HAPLN2: variants seen among roughly 807,000 people sequenced by gnomAD.
The protein encoded by HAPLN2 is hyaluronan and proteoglycan link protein 2, also known as brain link protein-1.
A neutral mutation model predicts 29.3 loss-of-function variants in HAPLN2; 27 were observed. That is an observed-to-expected ratio of 0.92 (90% confidence interval 0.68 to 1.27). HAPLN2 has a LOEUF of 1.27. Among genes scored for constraint, HAPLN2 ranks in the 50% most tolerant of loss-of-function variants. HAPLN2 has a pLI of 0.00. For synonymous variants in HAPLN2, 208 were observed against 211.7 expected, an observed-to-expected ratio of 0.98 and a Z score of 0.15; for missense variants, 454 against 484.3, an observed-to-expected ratio of 0.94 and a Z score of 0.59.
Position 156,624,179 on chromosome 1 carries a change from C to A in HAPLN2, c.439+19C>A, listed in dbSNP as rs757486382. 3 of 1,604,806 alleles carry A rather than the reference C, an allele frequency of 1.9e-6. No individual in the cohort carries two copies. The South Asian group carries it at 3.4e-5, about 18-fold the overall frequency. ...TTGGAGGGTGAGGCCCTTCCGCTCC[C>A]GCCCCATTCCTGTGTAGCAGCGGGT... On this transcript the variant is annotated intron_variant, in intron 4 of 6. Coordinates refer to ENST00000255039, the MANE Select transcript of HAPLN2 (RefSeq NM_021817.3).
At chr1:156,620,501 T>A (rs1678183406) in intron 2 of HAPLN2, among the ~76,000 whole-genome samples, 1 of 152,248 alleles carries the variant, frequency 6.6e-6, no homozygotes, top group South Asian at 2.1e-4. Context: ...TCATTATTGT[T>A]GGTCTCAGTC....
chr1:156,604,571 GCCA>G, the HAPLN2 span, among the ~76,000 whole-genome samples: 8 of 152,294 alleles, frequency 5.3e-5, no homozygotes, highest in South Asian at 1.7e-3. Flanking sequence ...TAAAGGCGGA[GCCA>G]CCGTGCCCGG....
chr1:156,625,405 A>G lies in HAPLN2; in HGVS notation c.*21A>G, dbSNP rs914676180. On this transcript the variant is annotated 3_prime_UTR_variant, in exon 7 of 7. Transcript: ENST00000255039. The surrounding 1 kb of genome is among the most constrained non-coding windows in gnomAD (Gnocchi z 5.7). Reference sequence around the variant, plus strand: ...ATTAGGCGCCCACCGTGTCCCCTCCAGCGCGCGCGAAGAAGCTTGGGAGTC... The same window carrying G: ...ATTAGGCGCCCACCGTGTCCCCTCCGGCGCGCGCGAAGAAGCTTGGGAGTC... 14 of 1,555,150 alleles carry G rather than the reference A, an allele frequency of 9.0e-6. No individual in the cohort carries two copies. Among genetic ancestry groups the G allele is most frequent in the Admixed American group, 2.0e-5 (1 of 50,294 alleles).
chr1:156,604,904 A>C, the HAPLN2 span, among the ~76,000 whole-genome samples: 3 of 150,118 alleles, frequency 2.0e-5, no homozygotes, highest in Non-Finnish European at 4.4e-5. Context: ...AATCTCTATA[A>C]AAAATCCCAG....
At chr1:156,603,651 C>A in the HAPLN2 span, among the ~76,000 whole-genome samples, 1 of 152,098 alleles carries the variant, frequency 6.6e-6, no homozygotes, top group African/African-American at 2.4e-5. Context: ...CAGCCACTCC[C>A]AAAACTTAAT....
upstream of HAPLN2, among the ~76,000 whole-genome samples, chr1:156,618,874 T>C (rs1571414575): frequency 6.6e-6 from 1 of 151,336 alleles, no homozygotes; most frequent in South Asian, 2.1e-4. Flanking sequence ...AAAAAGGTTA[T>C]CTATTTGTGC....
the HAPLN2 span, among the ~76,000 whole-genome samples, chr1:156,610,632 C>T: frequency 4.0e-5 from 6 of 149,728 alleles, no homozygotes; most frequent in African/African-American, 1.5e-4. Context: ...AAGAGCAAAA[C>T]TCCGTCTCAA....
Position 156,623,573 on chromosome 1 carries a change from C to G in HAPLN2, c.83C>G (p.Pro28Arg). 1.2e-6 allele frequency: 2 copies of G among 1,614,132 alleles called. No homozygotes were observed. The highest frequency in any genetic ancestry group is 2.2e-5 in the South Asian group (2 of 91,074). ...ATCTTCCACAAAGCCCAAGGAGACC[C>G]AGGTAAGACCCCAGCCCAGGCCAGA... ...FTIFHKAQGD[P>R]ASHPGPHYLL... is the part of the protein sequence containing the mutation. The change falls in exon 3 of 7, where the codon CCA becomes CGA. Residue 28 changes from proline to arginine, a missense_variant and splice_region_variant. By Grantham distance (103) the Pro-to-Arg change is moderately radical. This residue lies in a region of HAPLN2 where 204 missense variants were observed against 209.2 expected (regional missense o/e 0.98). Transcript: ENST00000255039.
At chr1:156,605,272 A>G in the HAPLN2 span, among the ~76,000 whole-genome samples, 2 of 150,890 alleles carry the variant, frequency 1.3e-5, no homozygotes, top group Middle Eastern at 3.2e-3. Context: ...TCTGAAAAAG[A>G]AAAAAAAAGA....
rs1678322226 is a variant in HAPLN2, at chr1:156,623,471, T to C, written c.-20T>C. The C allele has an allele frequency of 6.2e-7, 1 of 1,613,568 alleles. No homozygotes were observed. ...CCCACTCTTTGTGCCCTGCAGACGG[T>C]GCCGGGCTGACCCCCCATCATGCCA... is the stretch of plus-strand genomic sequence containing the variant. On this transcript the variant is annotated 5_prime_UTR_variant, in exon 3 of 7. Coordinates refer to ENST00000255039, the MANE Select transcript of HAPLN2 (RefSeq NM_021817.3).
the HAPLN2 span, among the ~76,000 whole-genome samples, chr1:156,611,029 C>A: frequency 4.6e-5 from 7 of 152,150 alleles, no homozygotes; most frequent in Non-Finnish European, 1.0e-4. Context: ...CACCTGTAAT[C>A]CCAGCACTTT....
At chr1:156,609,706 A>T in the HAPLN2 span, among the ~76,000 whole-genome samples, 1 of 152,200 alleles carries the variant, frequency 6.6e-6, no homozygotes, top group Non-Finnish European at 1.5e-5. Context: ...TCATTAAATA[A>T]ATTATGCTCC....
Position 156,625,094 on chromosome 1 carries a change from T to C in HAPLN2, c.740-7T>C. 6.5e-7 allele frequency: 1 copy of C among 1,536,396 alleles called. No individual in the cohort carries two copies. Among genetic ancestry groups the C allele is most frequent in the Admixed American group, 2.0e-5 (1 of 50,890 alleles). ...GCCCTCGGTCGGTGACCCGCTGTGG[T>C]CCCCAGGCCAAGTGTTCTTCGTGCC... On this transcript the variant is annotated splice_polypyrimidine_tract_variant and splice_region_variant and intron_variant, in intron 6 of 6. Coordinates refer to ENST00000255039, the MANE Select transcript of HAPLN2 (RefSeq NM_021817.3). The surrounding 1 kb of genome is among the most constrained non-coding windows in gnomAD (Gnocchi z 5.7).
chr1:156,616,305 C>G (rs946625057), upstream of HAPLN2, among the ~76,000 whole-genome samples: 1 of 152,192 alleles, frequency 6.6e-6, no homozygotes, highest in Non-Finnish European at 1.5e-5. Flanking sequence ...ATTTTAGCGT[C>G]TGGGGGGAAA....
chr1:156,621,917 C>G (rs1027215186), intron 2 of HAPLN2, among the ~76,000 whole-genome samples: 1 of 149,860 alleles, frequency 6.7e-6, no homozygotes, highest in Non-Finnish European at 1.5e-5. Context: ...GATCGTGCCA[C>G]TGTGCTCCAG....
the HAPLN2 span, among the ~76,000 whole-genome samples, chr1:156,613,789 C>T: frequency 6.6e-5 from 10 of 151,790 alleles, no homozygotes; most frequent in African/African-American, 2.4e-4. Flanking sequence ...TGGTGGCTCA[C>T]GCCTGTAACC....
chr1:156,615,571 TC>T (rs781775292), upstream of HAPLN2, among the ~76,000 whole-genome samples: 29,973 of 135,710 alleles, frequency 0.22, 3,225 homozygotes, highest in South Asian at 0.43. Context: ...TCTCTCTCTC[TC>T]TTTTTTTTTT....
At chr1:156,622,445 C>G (rs929515026) in intron 2 of HAPLN2, among the ~76,000 whole-genome samples, 1 of 151,504 alleles carries the variant, frequency 6.6e-6, no homozygotes, top group Non-Finnish European at 1.5e-5. Flanking sequence ...GAGAGTAAAA[C>G]CCTGTCTCAA....
chr1:156,623,677 G>C lies in HAPLN2; in HGVS notation c.85+102G>C, dbSNP rs898368613. On this transcript the variant is annotated intron_variant, in intron 3 of 6. Transcript: ENST00000255039. Reference sequence around the variant, plus strand: ...TGTTGCAGGTACCCAGGGACTGAAAGTCATTGCTGAGAAGGCAATGGAGGA... The same window carrying C: ...TGTTGCAGGTACCCAGGGACTGAAACTCATTGCTGAGAAGGCAATGGAGGA... The C allele has an allele frequency of 1.4e-5, 22 of 1,550,474 alleles. No homozygotes were observed. In the African/African-American group the frequency reaches 2.9e-4, roughly 20 times the overall value.
Sources: gnomAD v4.1 joint callset for allele counts (sites outside exome capture counted in the v4.1 genomes callset) on GRCh38, gnomAD v4.1.1 for gene constraint, gnomAD v4.1.1 regional missense constraint, Gnocchi (gnomAD v3.1) non-coding constraint, MANE v1.5 for transcripts, NCBI Gene and HGNC (gene_info 2026-07-23, HGNC 2026-07-21) for gene names.